The following MAPRE3 variants were observed in gnomAD, a reference collection of about 807,000 sequenced individuals.
MAPRE3 encodes microtubule associated protein RP/EB family member 3.
Under a neutral mutation model 30.5 loss-of-function variants are expected in MAPRE3, and 2 were observed. That is an observed-to-expected ratio of 0.07 (90% CI 0.03 to 0.21). The LOEUF is 0.21. Among genes scored for constraint, MAPRE3 ranks in the 10% least tolerant of loss-of-function variants. The pLI, the probability that MAPRE3 is intolerant of heterozygous loss-of-function variation, is 1.00. For synonymous variants in MAPRE3, 110 were observed against 127.7 expected, an observed-to-expected ratio of 0.86 and a Z score of 0.93; for missense variants, 204 against 351.8, an observed-to-expected ratio of 0.58 and a Z score of 3.36.
chr2:26,995,158 G>A (rs561285235), intron 1 of MAPRE3, among the ~76,000 whole-genome samples: 1 of 152,300 alleles, frequency 6.6e-6, no homozygotes, highest in South Asian at 2.1e-4. Context: ...AGTGAAAGCA[G>A]CTATAGACAC....
rs1667223392 is a variant in MAPRE3 at position 27,025,677 on chromosome 2, T to TC, written c.566dup (p.Ser190IlefsTer8). On this transcript the variant is annotated frameshift_variant, in exon 5 of 7. Transcript: ENST00000233121. LOFTEE classifies it high-confidence loss of function. Reference sequence around the variant, plus strand: ...CCCCCTGCATTCTCCGGAAGAATCCTCCATCAGCCCGAAATGGCGGCCATG... The same window carrying TC: ...CCCCCTGCATTCTCCGGAAGAATCCTCCCATCAGCCCGAAATGGCGGCCATG... 6.2e-7 allele frequency: 1 copy of TC among 1,613,782 alleles called. No homozygotes were observed. The highest frequency in any genetic ancestry group is 8.5e-7 in the Non-Finnish European group (1 of 1,179,886).
chr2:26,972,697 G>T (rs1274444864), intron 1 of MAPRE3, among the ~76,000 whole-genome samples: 2 of 152,204 alleles, frequency 1.3e-5, no homozygotes, highest in Non-Finnish European at 2.9e-5. Context: ...CGATATTACT[G>T]GGGTGGAGGG....
Position 27,024,252 on chromosome 2 carries a change from G to C in MAPRE3, c.424G>C (p.Gly142Arg). Residue 142 changes from glycine to arginine, a missense_variant, in exon 4 of 7, where the codon GGT (glycine) becomes CGT (arginine). Transcript: ENST00000233121. ...GGACGTAGCGCCACCTCCTAACCCA[G>C]GTGATCAGATCTTCAACAAATCCAA... ...GQDVAPPPNP[G>R]DQIFNKSKKL... The C allele has an allele frequency of 6.2e-7, 1 of 1,614,186 alleles. No individual in the cohort carries two copies. The highest frequency in any genetic ancestry group is 8.5e-7 in the Non-Finnish European group (1 of 1,180,000).
chr2:26,973,552 T>G lies in MAPRE3; in HGVS notation c.-8+2750T>G, dbSNP rs1046895878. The stretch of plus-strand genomic sequence containing the variant: ...AAGCCGAACAGAAAATATAGTTTTT[T>G]TTTTTTTTTTTTTGAGACGGAGTCT... On this transcript the variant is annotated intron_variant, in intron 1 of 6. Coordinates refer to ENST00000233121, the MANE Select transcript of MAPRE3 (RefSeq NM_012326.4). Among the ~76,000 whole-genome samples, 42 of 151,006 alleles carry G rather than the reference T, an allele frequency of 2.8e-4. No individual in the cohort carries two copies. In the East Asian group the frequency reaches 5.6e-3, roughly 20 times the overall value.
rs1276648645 is a variant in MAPRE3 at position 26,995,780 on chromosome 2, G to GGTGTGTGTGTGTGTGTGTGTGTGTGTGT, written c.-8+25001_-8+25028dup. 7.3e-5 allele frequency among the ~76,000 whole-genome samples: 8 copies of GGTGTGTGTGTGTGTGTGTGTGTGTGTGT among 109,694 alleles called. 1 individual carries two copies. Among genetic ancestry groups the GGTGTGTGTGTGTGTGTGTGTGTGTGTGT allele is most frequent in the Admixed American group, 4.2e-4 (4 of 9,460 alleles). 72.0% of individuals were successfully genotyped at this position (109,694 alleles called of 152,430 possible). ...AATACCTGAGGGTCTTTCTAAGAGA[G>GGTGTGTGTGTGTGTGTGTGTGTGTGTGT]GTGTGTGTGTGTGTGTGTGTGTGTG... On this transcript the variant is annotated intron_variant, in intron 1 of 6. Coordinates refer to ENST00000233121, the MANE Select transcript of MAPRE3 (RefSeq NM_012326.4).
Position 27,026,942 on chromosome 2 carries a change from AG to A in MAPRE3, c.*600del, listed in dbSNP as rs1667258564. ...TAGGCCCAGGGGGTCAGGGAAAGGG[AG>A]GGGGGCATGTGAGGGATGGAAATGA... On this transcript the variant is annotated 3_prime_UTR_variant, in exon 7 of 7. Transcript: ENST00000233121. 2.6e-5 allele frequency: 4 copies of A among 151,796 alleles called. No homozygotes were observed. Among genetic ancestry groups the A allele is most frequent in the East Asian group, 2.0e-4 (1 of 5,126 alleles). 9.4% of individuals were successfully genotyped at this position (151,796 alleles called of 1,614,324 possible).
intron 1 of MAPRE3, among the ~76,000 whole-genome samples, chr2:27,002,624 G>C (rs931935755): frequency 6.6e-6 from 1 of 152,208 alleles, no homozygotes; most frequent in Non-Finnish European, 1.5e-5. Context: ...TTGGAACCCA[G>C]AGCAGTTGCA....
chr2:26,991,517 G>A (rs1253526497), intron 1 of MAPRE3, among the ~76,000 whole-genome samples: 1 of 152,152 alleles, frequency 6.6e-6, no homozygotes, highest in Non-Finnish European at 1.5e-5. Flanking sequence ...GGTCACTGCC[G>A]CTTGCTTTCT....
intron 2 of MAPRE3, 70 bp from the exon 3 acceptor site, chr2:27,023,262 G>C: frequency 6.6e-7 from 1 of 1,516,410 alleles, no homozygotes; most frequent in Non-Finnish European, 8.9e-7. Context: ...ACGGGGTTTG[G>C]GGAAGTGAGA....
At chr2:27,007,781 T>C (rs1345078074) in intron 1 of MAPRE3, among the ~76,000 whole-genome samples, 1 of 152,150 alleles carries the variant, frequency 6.6e-6, no homozygotes, top group Non-Finnish European at 1.5e-5. Context: ...TCTAAAGGAA[T>C]ACTAAAAAAA....
At chr2:26,988,727 C>T (rs956523464) in intron 1 of MAPRE3, among the ~76,000 whole-genome samples, 1 of 152,206 alleles carries the variant, frequency 6.6e-6, no homozygotes, top group Admixed American at 6.5e-5. Context: ...AATGCAGACT[C>T]TGAAGCCCCA....
chr2:27,024,400 G>A (rs1667188654), intron 4 of MAPRE3, 103 bp downstream of exon 4: 3 of 1,075,850 alleles, frequency 2.8e-6, no homozygotes, highest in Admixed American at 5.7e-5. Context: ...CCAGCCTGGA[G>A]GAGACTTGTT....
chr2:26,983,985 C>G (rs1295240412), intron 1 of MAPRE3, among the ~76,000 whole-genome samples: 1 of 152,204 alleles, frequency 6.6e-6, no homozygotes, highest in Non-Finnish European at 1.5e-5. Context: ...TTGGAAAGAA[C>G]TTCCTCAGAT....
chr2:27,024,170 C>T lies in MAPRE3; in HGVS notation c.342C>T (p.Phe114=), dbSNP rs373095267. The part of the protein sequence containing the change: ...NFEFIQWFKK[F]FDANYDGKDY... ...AGTTTATTCAGTGGTTTAAGAAATTCTTTGACGCAAACTATGATGGAAAGG... is the reference window on the plus strand; with the variant it reads ...AGTTTATTCAGTGGTTTAAGAAATTTTTTGACGCAAACTATGATGGAAAGG... Residue 114 remains phenylalanine (F), a synonymous_variant, in exon 4 of 7, where the codon TTC becomes TTT. Coordinates refer to ENST00000233121, the MANE Select transcript of MAPRE3 (RefSeq NM_012326.4). 1.9e-6 allele frequency: 3 copies of T among 1,614,194 alleles called. No homozygotes were observed. The highest frequency in any genetic ancestry group is 2.5e-6 in the Non-Finnish European group (3 of 1,179,992).
chr2:26,982,916 GTCCC>G (rs1303218342), intron 1 of MAPRE3, among the ~76,000 whole-genome samples: 2 of 152,160 alleles, frequency 1.3e-5, no homozygotes, highest in Non-Finnish European at 2.9e-5. Flanking sequence ...CCTCACATTT[GTCCC>G]TAATGGACAA....
intron 1 of MAPRE3, among the ~76,000 whole-genome samples, chr2:27,021,758 C>G (rs1264194280): frequency 2.6e-5 from 4 of 152,212 alleles, no homozygotes; most frequent in African/African-American, 9.6e-5. Flanking sequence ...TTTGTTCTTG[C>G]TAGTCCCTGT....
rs1337072790 is a variant in MAPRE3 at position 26,985,771 on chromosome 2, G to T, written c.-8+14969G>T. 6.6e-6 allele frequency among the ~76,000 whole-genome samples: 1 copy of T among 152,066 alleles called. No homozygotes were observed. Among genetic ancestry groups the T allele is most frequent in the Non-Finnish European group, 1.5e-5 (1 of 68,012 alleles). On this transcript the variant is annotated intron_variant, in intron 1 of 6. Transcript: ENST00000233121. The surrounding 1 kb of genome is among the most constrained non-coding windows in gnomAD (Gnocchi z 4.2). ...GGTTTATCCTGGATTATCTGGGTGG[G>T]CCCTAAATGCAATCATATGTATCTT... is the stretch of plus-strand genomic sequence containing the variant.
At chr2:26,984,981 A>C (rs1666190857) in intron 1 of MAPRE3, 1 of 152,184 alleles carries the variant, frequency 6.6e-6, no homozygotes. Flanking sequence ...ACATAGGGGC[A>C]ATGACTTGTT....
intron 1 of MAPRE3, among the ~76,000 whole-genome samples, chr2:26,987,170 T>TA (rs1220430949): frequency 1.3e-5 from 2 of 151,990 alleles, no homozygotes; most frequent in East Asian, 1.9e-4. Flanking sequence ...AATGTGGGAA[T>TA]AAAAAAATAA....
Sources: gnomAD v4.1 joint callset for allele counts (sites outside exome capture counted in the v4.1 genomes callset) on GRCh38, gnomAD v4.1.1 for gene constraint, Gnocchi (gnomAD v3.1) non-coding constraint, MANE v1.5 for transcripts, NCBI Gene and HGNC (gene_info 2026-07-23, HGNC 2026-07-21) for gene names.